TMPRSS4: variants seen among roughly 807,000 people sequenced by gnomAD.
TMPRSS4 encodes transmembrane protease serine 4.
In TMPRSS4, 45 loss-of-function variants were observed where a neutral mutation model predicts 56.4. The ratio of observed to expected loss-of-function variants is 0.80; its 90% CI spans 0.63 to 1.02. The LOEUF (loss-of-function observed/expected upper bound fraction) is 1.02, where lower values mean the gene tolerates loss of function less well. Ranked by LOEUF, TMPRSS4 falls within the 50% of genes least tolerant of loss-of-function variation. The probability of loss-of-function intolerance (pLI) is 0.00; values close to 1 mark genes in which losing one functional copy is unlikely to be tolerated. For synonymous variants in TMPRSS4, 205 were observed against 211.0 expected (o/e 0.97, Z 0.25); for missense variants, 546 against 556.7 (o/e 0.98, Z 0.19).
At position 118,118,596 on chromosome 11, in the gene TMPRSS4, A is replaced by G; in HGVS notation, c.*683A>G. ...GGGAAAAAAGAGTTAGGGAGACCAG[A>G]TCTGCTGAGTGGCAGCAAGAGTGAG... On this transcript the variant is annotated 3_prime_UTR_variant, in exon 13 of 13. Coordinates refer to ENST00000437212, the MANE Select transcript of TMPRSS4 (RefSeq NM_019894.4). The G allele has an allele frequency of 1.0e-6, 1 of 985,482 alleles. No homozygotes were observed. Among genetic ancestry groups the G allele is most frequent in the African/African-American group, 1.7e-5 (1 of 57,344 alleles). The allele number at this position is 985,482 out of a possible 1,614,324, so 61.0% of individuals were successfully genotyped here.
intron 9 of TMPRSS4, among the ~76,000 whole-genome samples, chr11:118,114,365 C>G (rs598061): frequency 6.6e-6 from 1 of 151,994 alleles, no homozygotes; most frequent in African/African-American, 2.4e-5. Flanking sequence ...ACCCCACCCC[C>G]CAACACAGGG....
chr11:118,117,259 C>A (rs537079309), intron 11 of TMPRSS4, 46 bp from the exon 12 acceptor site: 53 of 1,606,820 alleles, frequency 3.3e-5, no homozygotes, highest in Non-Finnish European at 4.3e-5. Flanking sequence ...GAAGCCCCCC[C>A]ACCTCACCTG....
chr11:118,125,385 C>T (rs566690990), downstream of TMPRSS4: 5 of 456,502 alleles, frequency 1.1e-5, no homozygotes, highest in African/African-American at 6.0e-5. Flanking sequence ...ACGGTCAGCT[C>T]GGCACACACA....
chr11:118,100,200 G>T (rs1327330004), intron 3 of TMPRSS4, among the ~76,000 whole-genome samples: 2 of 152,174 alleles, frequency 1.3e-5, no homozygotes, highest in East Asian at 3.8e-4. Flanking sequence ...ATGAGCACCA[G>T]TGAGATAACA....
chr11:118,117,560 A>C, intron 12 of TMPRSS4, 106 bp downstream of exon 12: 1 of 1,507,172 alleles, frequency 6.6e-7, no homozygotes, highest in Non-Finnish European at 8.9e-7. Context: ...AACTCTTTAC[A>C]TCCCAAATAA....
chr11:118,079,920 A>G (rs960570297), intron 1 of TMPRSS4, among the ~76,000 whole-genome samples: 1 of 152,158 alleles, frequency 6.6e-6, no homozygotes, highest in Non-Finnish European at 1.5e-5. Context: ...AAAGGGCAAG[A>G]CAGGCAAGGA....
intron 1 of TMPRSS4, among the ~76,000 whole-genome samples, chr11:118,080,590 C>G (rs1945050452): frequency 6.6e-6 from 1 of 152,162 alleles, no homozygotes; most frequent in Non-Finnish European, 1.5e-5. Flanking sequence ...CTCAGTGCAG[C>G]TGAGAACCCA....
In TMPRSS4 at chr11:118,121,218, G is replaced by A. The variant is rs1947781012; in HGVS notation, c.*3305G>A. The A allele has an allele frequency of 6.6e-6, 1 of 152,152 alleles. No homozygotes were observed. The highest frequency in any genetic ancestry group is 1.5e-5 in the Non-Finnish European group (1 of 68,022). The allele number at this position is 152,152 out of a possible 1,614,324, so 9.4% of individuals were successfully genotyped here. On this transcript the variant is annotated 3_prime_UTR_variant, in exon 13 of 13. Transcript: ENST00000437212. ...TACCATCAACAAACCTTCTCTAAAA[G>A]AATATATAAAGCATTTACTTTAGGA...
At chr11:118,095,017 C>A in intron 2 of TMPRSS4, 162 bp downstream of exon 2, 1 of 755,174 alleles carries the variant, frequency 1.3e-6, no homozygotes, top group Non-Finnish European at 2.3e-6. Flanking sequence ...AGCAAACATT[C>A]CAGGATTCAT....
At chr11:118,124,934 GC>G (rs1346882469), downstream of TMPRSS4, among the ~76,000 whole-genome samples, 1 of 152,192 alleles carries the variant, frequency 6.6e-6, no homozygotes, top group Admixed American at 6.5e-5. Context: ...TTAGTCACTT[GC>G]CCGCTTACTT....
In TMPRSS4 at chr11:118,117,527, G is replaced by C. The variant is rs1947628503; in HGVS notation, c.1302+73G>C. 3.2e-6 allele frequency: 5 copies of C among 1,540,460 alleles called. No homozygotes were observed. In the Admixed American group the frequency reaches 7.9e-5, roughly 24 times the overall value. The stretch of plus-strand genomic sequence containing the variant: ...CCTGGGGGGTGCCAATCCATCCTCA[G>C]GTTTGATTTAAATGGTTCTGACAAC... On this transcript the variant is annotated intron_variant, in intron 12 of 12. Coordinates refer to ENST00000437212, the MANE Select transcript of TMPRSS4 (RefSeq NM_019894.4).
At chr11:118,099,804 A>G (rs962158986) in intron 3 of TMPRSS4, among the ~76,000 whole-genome samples, 27 of 152,270 alleles carry the variant, frequency 1.8e-4, no homozygotes, top group African/African-American at 6.3e-4. Flanking sequence ...CCCCCCAGGC[A>G]GTTGGCACCT....
chr11:118,124,317 G>A (rs575105580), downstream of TMPRSS4, among the ~76,000 whole-genome samples: 2 of 152,186 alleles, frequency 1.3e-5, no homozygotes, highest in Non-Finnish European at 2.9e-5. Context: ...CCCGGGAGGC[G>A]GAGGTTGCAG....
rs1391819294 is a variant in TMPRSS4 at position 118,108,905 on chromosome 11, C to A, written c.583+9C>A. On this transcript the variant is annotated intron_variant, in intron 7 of 12. Transcript: ENST00000437212. Reference sequence around the variant, plus strand: ...CTCCCTGCACTGTCTTGGTGAGTACCCCCAATCTCTGAGGGTTTGGGGCCT... The same window carrying A: ...CTCCCTGCACTGTCTTGGTGAGTACACCCAATCTCTGAGGGTTTGGGGCCT... 1.2e-6 allele frequency: 2 copies of A among 1,613,604 alleles called. No homozygotes were observed. The highest frequency in any genetic ancestry group is 1.7e-6 in the Non-Finnish European group (2 of 1,179,760).
At chr11:118,080,008 C>T (rs1386831582) in intron 1 of TMPRSS4, among the ~76,000 whole-genome samples, 4 of 152,154 alleles carry the variant, frequency 2.6e-5, no homozygotes, top group Admixed American at 6.5e-5. Context: ...TAACCACTCC[C>T]CCCCCACCAA....
chr11:118,105,637 G>A (rs765371948), intron 5 of TMPRSS4: 1 of 152,192 alleles, frequency 6.6e-6, no homozygotes, highest in Non-Finnish European at 1.5e-5. Flanking sequence ...GGGCTAATGA[G>A]ATGGTTGATC....
chr11:118,113,406 T>G lies in TMPRSS4; in HGVS notation c.881T>G (p.Met294Arg), dbSNP rs1209266837. The G allele has an allele frequency of 8.7e-6, 14 of 1,614,040 alleles. No homozygotes were observed. Among genetic ancestry groups the G allele is most frequent in the Non-Finnish European group, 1.1e-5 (13 of 1,180,022 alleles). The change falls in exon 9 of 13, where the codon ATG (methionine) becomes AGG (arginine). Residue 294 changes from methionine to arginine, a missense_variant. By Grantham distance (91) the Met-to-Arg change is moderately conservative (BLOSUM62 -1). Coordinates refer to ENST00000437212, the MANE Select transcript of TMPRSS4 (RefSeq NM_019894.4). ...MYPKDNDIALMKLQFPLTFSG... is the reference protein window; with the variant it reads ...MYPKDNDIALRKLQFPLTFSG... ...CCCAAAGACAATGACATCGCCCTCATGAAGCTGCAGTTCCCACTCACTTTC... is the reference window on the plus strand; with the variant it reads ...CCCAAAGACAATGACATCGCCCTCAGGAAGCTGCAGTTCCCACTCACTTTC...
chr11:118,110,754 G>C (rs1565436985), intron 7 of TMPRSS4, among the ~76,000 whole-genome samples: 1 of 152,152 alleles, frequency 6.6e-6, no homozygotes, highest in Non-Finnish European at 1.5e-5. Context: ...AGAATCTAAC[G>C]CCACCTCTGA....
At chr11:118,089,511 G>A (rs544175964) in intron 1 of TMPRSS4, among the ~76,000 whole-genome samples, 2 of 152,280 alleles carry the variant, frequency 1.3e-5, no homozygotes, top group Non-Finnish European at 2.9e-5. Flanking sequence ...TTGCTAGTTA[G>A]TTGGATTTAA....
Sources: allele counts gnomAD v4.1 joint callset (sites outside exome capture counted in the v4.1 genomes callset), GRCh38; gene constraint gnomAD v4.1.1; transcripts MANE v1.5; gene names NCBI Gene and HGNC (gene_info 2026-07-23, HGNC 2026-07-21).